FRMPD3: variants seen among roughly 807,000 people sequenced by gnomAD.
The protein encoded by FRMPD3 is FERM and PDZ domain-containing protein 3.
In FRMPD3, 42 loss-of-function variants were observed where a neutral mutation model predicts 97.9. The observed-to-expected ratio is 0.43, with a 90% CI of 0.34 to 0.55. FRMPD3 has a LOEUF of 0.55. Ranked by LOEUF, FRMPD3 falls within the 20% of genes least tolerant of loss-of-function variation. The pLI is 0.03. For synonymous variants in FRMPD3, 577 were observed against 581.1 expected, an observed-to-expected ratio of 0.99 and a Z score of 0.10; for missense variants, 1,303 against 1,457.7, an observed-to-expected ratio of 0.89 and a Z score of 1.73.
At chrX:107,594,584 T>C (rs1924072963) in intron 13 of FRMPD3, among the ~76,000 whole-genome samples, 1 of 112,426 alleles carries the variant, frequency 8.9e-6, no homozygotes, top group Non-Finnish European at 1.9e-5. Flanking sequence ...AGATTTCCCC[T>C]TTAAGAACTA....
At chrX:107,585,679 T>C (rs1301363484) in intron 13 of FRMPD3, among the ~76,000 whole-genome samples, 1 of 112,221 alleles carries the variant, frequency 8.9e-6, no homozygotes, top group Admixed American at 9.5e-5. Flanking sequence ...AAAGGCCTTT[T>C]CTGCATCAGT....
At chrX:107,490,319 A>G (rs1164452644) in intron 1 of FRMPD3, among the ~76,000 whole-genome samples, 3 of 112,047 alleles carry the variant, frequency 2.7e-5, no homozygotes, top group Non-Finnish European at 3.8e-5. Flanking sequence ...TTGGCAGTGC[A>G]GGCTCTTTTT....
At position 107,602,026 on chromosome X, in the gene FRMPD3, C is replaced by T; in HGVS notation, c.3987C>T (p.Leu1329=). 2 of 1,181,076 alleles carry T rather than the reference C, an allele frequency of 1.7e-6. No homozygotes were observed. Among genetic ancestry groups the T allele is most frequent in the South Asian group, 1.9e-5 (1 of 51,654 alleles). ...GGGGGAGGGAAAGGGACAGAGTCCT[C>T]CCTAGCCAGAGGCAGCCAGAGGCTG... ...SLRGRERDRV[L]PSQRQPEAGP... The change falls in exon 15 of 15, where the codon CTC becomes CTT. Residue 1329 remains leucine, a synonymous_variant. Coordinates refer to ENST00000683843, the MANE Select transcript of FRMPD3 (RefSeq NM_001388459.1).
In FRMPD3 at chrX:107,449,913, CGCCGCCGCT is replaced by C. The variant is rs1254438035; in HGVS notation, c.-97_-89del. Among the ~76,000 whole-genome samples, 4 of 109,508 alleles carry C rather than the reference CGCCGCCGCT, an allele frequency of 3.7e-5. No homozygotes were observed. The highest frequency in any genetic ancestry group is 6.6e-5 in the African/African-American group (2 of 30,503). On this transcript the variant is annotated 5_prime_UTR_variant, in exon 1 of 15. Coordinates refer to ENST00000683843, the MANE Select transcript of FRMPD3 (RefSeq NM_001388459.1). ...CTAGTCCCGCTGCCGCCGCCGCCGCCGCCGCCGCTGCGCCGCCGCTGCCGCGCCGCTGAG... is the reference window on the plus strand; with the variant it reads ...CTAGTCCCGCTGCCGCCGCCGCCGCCGCGCCGCCGCTGCCGCGCCGCTGAG...
chrX:107,480,424 G>A (rs767965369), intron 1 of FRMPD3, among the ~76,000 whole-genome samples: 22 of 111,743 alleles, frequency 2.0e-4, no homozygotes, highest in Non-Finnish European at 4.1e-4. Flanking sequence ...TCACAGTTAC[G>A]TGTTTCTCAA....
At chrX:107,553,005 T>C (rs1921930034) in intron 7 of FRMPD3, 79 bp downstream of exon 7, 1 of 1,012,849 alleles carries the variant, frequency 9.9e-7, no homozygotes, top group Admixed American at 2.9e-5. Flanking sequence ...GTCTGGAAAA[T>C]TTATAATGAT....
At chrX:107,522,547 T>A in intron 1 of FRMPD3, 1 of 487,840 alleles carries the variant, frequency 2.0e-6, no homozygotes, top group Middle Eastern at 3.8e-4. Context: ...TGGCCCCAGC[T>A]GGGCCACCAA....
At chrX:107,572,879 C>CACTACTACTACTACTACT (rs35706267) in intron 12 of FRMPD3, among the ~76,000 whole-genome samples, 164 of 99,489 alleles carry the variant, frequency 1.6e-3, no homozygotes, top group African/African-American at 6.0e-3. Flanking sequence ...ACCACATCTC[C>CACTACTACTACTACTACT]ACTACTACTA....
intron 1 of FRMPD3, among the ~76,000 whole-genome samples, chrX:107,454,820 T>C (rs1466045778): frequency 2.7e-5 from 3 of 110,886 alleles, no homozygotes; most frequent in Non-Finnish European, 5.6e-5. Flanking sequence ...CATCATTGAT[T>C]CTCAAATTTT....
Position 107,475,470 on chromosome X carries a change from TTCCAGGTGCCTAAAGGAGAATTA to T in FRMPD3, c.-8+25470_-8+25492del, listed in dbSNP as rs772928778. Among the ~76,000 whole-genome samples the T allele has an allele frequency of 6.3e-3, 707 of 112,648 alleles. 3 individuals carry two copies. The highest frequency in any genetic ancestry group is 0.012 in the Admixed American group (130 of 10,672). On this transcript the variant is annotated intron_variant, in intron 1 of 14. Transcript: ENST00000683843. ...AATGAAATGTCAGCTCAGCTATTAT[TTCCAGGTGCCTAAAGGAGAATTA>T]TCCATAGATGGAGCAAAACCTCTGT...
rs1330331129 is a variant in FRMPD3 at position 107,500,512 on chromosome X, G to A, written c.-7-26070G>A. ...AGATATAATAGTAATGCCTACTTCA[G>A]GCTGGGCGCCGTGGCTCATGCCTGT... is the stretch of plus-strand genomic sequence containing the variant. On this transcript the variant is annotated intron_variant, in intron 1 of 14. Coordinates refer to ENST00000683843, the MANE Select transcript of FRMPD3 (RefSeq NM_001388459.1). Among the ~76,000 whole-genome samples the A allele has an allele frequency of 3.6e-5, 4 of 112,186 alleles. No individual in the cohort carries two copies. In the East Asian group the frequency reaches 8.4e-4, roughly 23 times the overall value.
chrX:107,454,623 C>T (rs994257355), intron 1 of FRMPD3, among the ~76,000 whole-genome samples: 1 of 111,610 alleles, frequency 9.0e-6, no homozygotes, highest in Non-Finnish European at 1.9e-5. Flanking sequence ...GTCCATAATA[C>T]ACACAACTGC....
At chrX:107,507,888 A>G (rs769621990) in intron 1 of FRMPD3, among the ~76,000 whole-genome samples, 1 of 112,227 alleles carries the variant, frequency 8.9e-6, no homozygotes, top group African/African-American at 3.2e-5. Context: ...AGCTACTATT[A>G]TAACTATGTG....
intron 5 of FRMPD3, among the ~76,000 whole-genome samples, chrX:107,547,807 G>A (rs961872841): frequency 8.9e-6 from 1 of 111,841 alleles, no homozygotes; most frequent in African/African-American, 3.2e-5. Flanking sequence ...AATAAATCCT[G>A]TGGGTGATCC....
At chrX:107,570,287 G>A (rs1922827657) in intron 12 of FRMPD3, among the ~76,000 whole-genome samples, 2 of 99,304 alleles carry the variant, frequency 2.0e-5, no homozygotes, top group Admixed American at 1.1e-4. Flanking sequence ...CACTGAAGAA[G>A]GACTGTCTGA....
At position 107,598,049 on chromosome X, in the gene FRMPD3, G is replaced by T; in HGVS notation, c.2170G>T (p.Glu724Ter). 8.3e-7 allele frequency: 1 copy of T among 1,210,733 alleles called. No individual in the cohort carries two copies. Among genetic ancestry groups the T allele is most frequent in the Non-Finnish European group, 1.1e-6 (1 of 895,364 alleles). ...CCGGACAGTTCGAGATCATGCCCAG[G>T]AGCTAGATGATGCCCTGGTGTCCAC... Reference protein sequence around the residue: ...QTRTVRDHAQELDDALVSTLQ... With the variant: ...QTRTVRDHAQ The change falls in exon 14 of 15, where the codon GAG becomes TAG. Residue 724 changes from glutamate to a stop codon, truncating the protein, a stop_gained. Transcript: ENST00000683843. LOFTEE classifies it high-confidence loss of function.
chrX:107,598,052 C>T lies in FRMPD3; in HGVS notation c.2173C>T (p.Leu725=). Residue 725 remains leucine (L), a synonymous_variant, in exon 14 of 15, where the codon CTA becomes TTA. Transcript: ENST00000683843. ...GACAGTTCGAGATCATGCCCAGGAG[C>T]TAGATGATGCCCTGGTGTCCACTCT... is the stretch of plus-strand genomic sequence containing the variant. The part of the protein sequence containing the change: ...TRTVRDHAQE[L]DDALVSTLQA... The T allele has an allele frequency of 8.3e-7, 1 of 1,210,617 alleles. No homozygotes were observed. The highest frequency in any genetic ancestry group is 1.1e-6 in the Non-Finnish European group (1 of 895,147).
Position 107,560,314 on chromosome X carries a change from T to C in FRMPD3, c.820T>C (p.Leu274=). ...FGMDPKPEML[L]GLAALHIYIT... The stretch of plus-strand genomic sequence containing the variant: ...AATGGATCCCAAGCCAGAGATGCTT[T>C]TGGGCCTTGCTGCGCTCCACATCTA... Residue 274 remains leucine, a synonymous_variant, in exon 9 of 15, where the codon TTG becomes CTG. Transcript: ENST00000683843. The C allele has an allele frequency of 8.3e-7, 1 of 1,209,410 alleles. No individual in the cohort carries two copies. The highest frequency in any genetic ancestry group is 1.1e-6 in the Non-Finnish European group (1 of 894,926).
intron 1 of FRMPD3, among the ~76,000 whole-genome samples, chrX:107,472,222 A>T (rs777532771): frequency 1.8e-5 from 2 of 111,648 alleles, no homozygotes; most frequent in Admixed American, 9.5e-5. Context: ...AGATTCCAAA[A>T]ATTTTTTCCC....
Sources: allele counts gnomAD v4.1 joint callset (sites outside exome capture counted in the v4.1 genomes callset), GRCh38; gene constraint gnomAD v4.1.1; transcripts MANE v1.5; gene names NCBI Gene and HGNC (gene_info 2026-07-23, HGNC 2026-07-21).